Variants in ADAMTS12 observed in about 807,000 individuals in gnomAD.
ADAMTS12 encodes the protein A disintegrin and metalloproteinase with thrombospondin motifs 12.
In ADAMTS12, 118 loss-of-function variants were observed where a neutral mutation model predicts 167.8. The observed-to-expected ratio is 0.70, with a 90% CI of 0.61 to 0.82. ADAMTS12 has a LOEUF of 0.82. ADAMTS12 is among the 40% of genes least tolerant of loss of function. The probability of loss-of-function intolerance (pLI) is 0.00; values close to 1 mark genes in which losing one functional copy is unlikely to be tolerated. For missense variants in ADAMTS12, 1,916 were observed against 1,998.8 expected, an observed-to-expected ratio of 0.96 and a Z score of 0.79; for synonymous variants, 704 against 716.9, an observed-to-expected ratio of 0.98 and a Z score of 0.29.
chr5:33,791,155 G>C (rs1336568430), intron 2 of ADAMTS12, among the ~76,000 whole-genome samples: 1 of 152,156 alleles, frequency 6.6e-6, no homozygotes, highest in Non-Finnish European at 1.5e-5. Context: ...CAGCAGCATG[G>C]CTGGCCAGTA....
chr5:33,873,284 G>T (rs897144630), intron 2 of ADAMTS12, among the ~76,000 whole-genome samples: 1 of 151,422 alleles, frequency 6.6e-6, no homozygotes, highest in Non-Finnish European at 1.5e-5. Flanking sequence ...TGAACAAGAA[G>T]TATTTAAAAT....
At chr5:33,585,349 A>G (rs1308337723) in intron 18 of ADAMTS12, among the ~76,000 whole-genome samples, 1 of 152,210 alleles carries the variant, frequency 6.6e-6, no homozygotes, top group Non-Finnish European at 1.5e-5. Context: ...TCTCATGTTT[A>G]TCATGTTGCT....
rs189407300 is a variant in ADAMTS12 at position 33,783,929 on chromosome 5, C to T, written c.490-32381G>A. Among the ~76,000 whole-genome samples the T allele has an allele frequency of 7.9e-3, 1,201 of 151,862 alleles. 17 individuals carry two copies. Among genetic ancestry groups the T allele is most frequent in the African/African-American group, 0.028 (1,151 of 41,462 alleles). ...ATACCACAAAAAACCTGGCTAATAT[C>T]CCTCATGAATAAGGATATAAAAATT... On this transcript the variant is annotated intron_variant, in intron 2 of 23. Transcript: ENST00000504830.
intron 3 of ADAMTS12, among the ~76,000 whole-genome samples, chr5:33,746,840 G>C (rs1442303333): frequency 6.6e-6 from 1 of 152,178 alleles, no homozygotes; most frequent in Non-Finnish European, 1.5e-5. Flanking sequence ...AAGCAGAACT[G>C]GGTCTAGAGC....
In ADAMTS12 at chr5:33,842,705, C is replaced by T. The variant is rs577311089; in HGVS notation, c.489+38414G>A. The stretch of plus-strand genomic sequence containing the variant: ...CACTGGGACAGTCTCTCCATCTAAG[C>T]CCTCTAACAGTGCAGAGACCCTGTA... On this transcript the variant is annotated intron_variant, in intron 2 of 23. Coordinates refer to ENST00000504830, the MANE Select transcript of ADAMTS12 (RefSeq NM_030955.4). Among the ~76,000 whole-genome samples the T allele has an allele frequency of 9.8e-5, 15 of 152,296 alleles. No individual in the cohort carries two copies. In the South Asian group the frequency reaches 2.5e-3, roughly 25 times the overall value.
At chr5:33,769,490 C>G (rs1210087765) in intron 2 of ADAMTS12, among the ~76,000 whole-genome samples, 1 of 152,190 alleles carries the variant, frequency 6.6e-6, no homozygotes, top group Non-Finnish European at 1.5e-5. Flanking sequence ...GCTACTTAAT[C>G]TAGACTAAAG....
intron 5 of ADAMTS12, among the ~76,000 whole-genome samples, chr5:33,674,413 G>A (rs1561207854): frequency 6.6e-6 from 1 of 152,148 alleles, no homozygotes; most frequent in African/African-American, 2.4e-5. Context: ...AAAGATATAG[G>A]TTTTGTTCCA....
chr5:33,687,748 G>A (rs1045950907), intron 3 of ADAMTS12, among the ~76,000 whole-genome samples: 4 of 152,284 alleles, frequency 2.6e-5, no homozygotes, highest in Admixed American at 6.5e-5. Context: ...CTGACTCTGC[G>A]GAGTTCTAGT....
rs143729697 is a variant in ADAMTS12 at position 33,544,090 on chromosome 5, C to T, written c.4446+1969G>A. On this transcript the variant is annotated intron_variant, in intron 22 of 23. Coordinates refer to ENST00000504830, the MANE Select transcript of ADAMTS12 (RefSeq NM_030955.4). Reference sequence around the variant, plus strand: ...TCAAATTGTCCCTGTTTGCAGATGACATGATTTTATATTTAGAAAAACCCA... The same window carrying T: ...TCAAATTGTCCCTGTTTGCAGATGATATGATTTTATATTTAGAAAAACCCA... Among the ~76,000 whole-genome samples, 541 of 152,248 alleles carry T rather than the reference C, an allele frequency of 3.6e-3. 5 individuals are homozygous for T. Among genetic ancestry groups the T allele is most frequent in the African/African-American group, 0.013 (529 of 41,554 alleles).
intron 2 of ADAMTS12, among the ~76,000 whole-genome samples, chr5:33,782,366 G>A (rs989062811): frequency 2.0e-5 from 3 of 151,924 alleles, no homozygotes; most frequent in African/African-American, 7.2e-5. Context: ...CACAAAGCAA[G>A]GCAGTAAAAG....
intron 2 of ADAMTS12, among the ~76,000 whole-genome samples, chr5:33,788,585 C>T (rs111231432): frequency 0.015 from 2,205 of 151,952 alleles, 57 homozygotes; most frequent in African/African-American, 0.05. Context: ...AGTGAGTTGG[C>T]GAGGAAAGGA....
intron 20 of ADAMTS12, among the ~76,000 whole-genome samples, chr5:33,552,807 C>T (rs1745310425): frequency 6.6e-6 from 1 of 152,104 alleles, no homozygotes; most frequent in African/African-American, 2.4e-5. Context: ...TAGGCTGATG[C>T]CTCCACCTTT....
intron 18 of ADAMTS12, among the ~76,000 whole-genome samples, chr5:33,583,795 T>G (rs1025021289): frequency 5.3e-5 from 8 of 152,218 alleles, no homozygotes; most frequent in African/African-American, 1.7e-4. Context: ...TGCCTTCTTT[T>G]GAGAAATGTC....
intron 18 of ADAMTS12, among the ~76,000 whole-genome samples, chr5:33,585,056 TCC>T (rs1747272064): frequency 6.6e-6 from 1 of 151,988 alleles, no homozygotes; most frequent in South Asian, 2.1e-4. Context: ...CATCCATCCA[TCC>T]ATCCATCCAT....
intron 2 of ADAMTS12, among the ~76,000 whole-genome samples, chr5:33,754,411 G>GCC (rs1365879432): frequency 1.3e-5 from 2 of 152,222 alleles, no homozygotes; most frequent in Non-Finnish European, 2.9e-5. Flanking sequence ...GGCAGGATGA[G>GCC]CCCTAGGCTA....
chr5:33,574,457 T>C (rs1416217622), intron 19 of ADAMTS12, among the ~76,000 whole-genome samples: 1 of 152,160 alleles, frequency 6.6e-6, no homozygotes, highest in African/African-American at 2.4e-5. Context: ...GGGACATGGA[T>C]GAAATTGGAA....
chr5:33,655,198 C>T (rs1324869891), intron 7 of ADAMTS12, among the ~76,000 whole-genome samples: 1 of 152,106 alleles, frequency 6.6e-6, no homozygotes, highest in Non-Finnish European at 1.5e-5. Flanking sequence ...GTAACAGATG[C>T]TACTGGTACC....
intron 21 of ADAMTS12, among the ~76,000 whole-genome samples, chr5:33,546,811 A>C (rs963363769): frequency 2.0e-5 from 3 of 152,224 alleles, no homozygotes; most frequent in Non-Finnish European, 2.9e-5. Context: ...ATGACTTTTT[A>C]AGGAGGAAAT....
chr5:33,594,122 G>C (rs1017937896), intron 17 of ADAMTS12, among the ~76,000 whole-genome samples: 1 of 152,168 alleles, frequency 6.6e-6, no homozygotes, highest in Non-Finnish European at 1.5e-5. Context: ...GGGACCTGGT[G>C]GGAGATAATT....
Sources: allele counts gnomAD v4.1 joint callset (sites outside exome capture counted in the v4.1 genomes callset), GRCh38; gene constraint gnomAD v4.1.1; transcripts MANE v1.5; gene names NCBI Gene and HGNC (gene_info 2026-07-23, HGNC 2026-07-21).